The following NRXN3 variants were observed in gnomAD, a reference collection of about 807,000 sequenced individuals.
NRXN3 encodes neurexin III.
Under a neutral mutation model 137.6 loss-of-function variants are expected in NRXN3, and 32 were observed. The ratio of observed to expected loss-of-function variants is 0.23; its 90% CI spans 0.18 to 0.31. The LOEUF is 0.31. Among genes scored for constraint, NRXN3 ranks in the 10% least tolerant of loss-of-function variants. The probability of loss-of-function intolerance (pLI) is 1.00; values close to 1 mark genes in which losing one functional copy is unlikely to be tolerated. For synonymous variants in NRXN3, 798 were observed against 784.5 expected, an observed-to-expected ratio of 1.02 and a Z score of -0.29; for missense variants, 1,574 against 2,062.5, an observed-to-expected ratio of 0.76 and a Z score of 4.59.
chr14:78,687,743 G>C (rs2098136197), intron 6 of NRXN3, among the ~76,000 whole-genome samples: 1 of 152,318 alleles, frequency 6.6e-6, no homozygotes. Flanking sequence ...AAAATTTAAA[G>C]GGTTTCACCC....
intron 19 of NRXN3, among the ~76,000 whole-genome samples, chr14:79,734,598 A>C (rs996460373): frequency 2.0e-5 from 3 of 152,222 alleles, no homozygotes; most frequent in Non-Finnish European, 4.4e-5. Context: ...TAGCAAATAC[A>C]AGAAACAAAA....
At chr14:78,521,169 T>C (rs914700790) in intron 4 of NRXN3, among the ~76,000 whole-genome samples, 5 of 152,216 alleles carry the variant, frequency 3.3e-5, no homozygotes, top group Admixed American at 6.5e-5. Context: ...TCTCTCTCTC[T>C]TCCTCTATCC....
At chr14:78,377,979 G>T (rs1390545801) in intron 4 of NRXN3, among the ~76,000 whole-genome samples, 1 of 152,084 alleles carries the variant, frequency 6.6e-6, no homozygotes, top group Non-Finnish European at 1.5e-5. Context: ...TTTTTTTGCA[G>T]GTGTCCATAG....
chr14:79,307,720 C>G (rs540910340), intron 15 of NRXN3, among the ~76,000 whole-genome samples: 34 of 152,178 alleles, frequency 2.2e-4, no homozygotes, highest in African/African-American at 7.9e-4. Flanking sequence ...TTTTATTTTA[C>G]CATAGATTAG....
chr14:78,324,417 A>C (rs1171505635), intron 4 of NRXN3, among the ~76,000 whole-genome samples: 1 of 152,102 alleles, frequency 6.6e-6, no homozygotes, highest in Non-Finnish European at 1.5e-5. Flanking sequence ...AGCTGTCAGA[A>C]AGTGGGAAGA....
intron 17 of NRXN3, among the ~76,000 whole-genome samples, chr14:79,668,839 C>G (rs1215004091): frequency 1.3e-5 from 2 of 152,048 alleles, no homozygotes; most frequent in African/African-American, 4.8e-5. Context: ...CATATAAGAG[C>G]CGCTGACTTA....
chr14:78,368,420 A>G (rs1227121567), intron 4 of NRXN3, among the ~76,000 whole-genome samples: 1 of 152,214 alleles, frequency 6.6e-6, no homozygotes, highest in African/African-American at 2.4e-5. Context: ...GATGTAAAAA[A>G]TTGGAGATGG....
intron 11 of NRXN3, among the ~76,000 whole-genome samples, chr14:78,960,295 T>A (rs2099405605): frequency 6.6e-6 from 1 of 152,104 alleles, no homozygotes; most frequent in Non-Finnish European, 1.5e-5. Context: ...TGATAAGGGG[T>A]TGGGAAATTT....
At chr14:79,153,094 A>T (rs1284050929) in intron 15 of NRXN3, among the ~76,000 whole-genome samples, 1 of 151,976 alleles carries the variant, frequency 6.6e-6, no homozygotes, top group African/African-American at 2.4e-5. Flanking sequence ...AAGGATGGGC[A>T]AGGAGGTGGA....
intron 15 of NRXN3, among the ~76,000 whole-genome samples, chr14:79,096,318 C>T (rs576876067): frequency 1.4e-4 from 21 of 152,024 alleles, no homozygotes; most frequent in Non-Finnish European, 2.6e-4. Flanking sequence ...CTGTGTTGCC[C>T]AGGCTGGTCT....
chr14:78,833,136 C>T (rs2152411926), intron 10 of NRXN3, among the ~76,000 whole-genome samples: 1 of 152,256 alleles, frequency 6.6e-6, no homozygotes, highest in Non-Finnish European at 1.5e-5. Flanking sequence ...CTCCCAAGTT[C>T]TATTTCTATT....
intron 10 of NRXN3, among the ~76,000 whole-genome samples, chr14:78,856,347 G>A (rs1424305897): frequency 6.6e-6 from 1 of 152,080 alleles, no homozygotes; most frequent in Non-Finnish European, 1.5e-5. Flanking sequence ...TCTAAAGTAA[G>A]TAACCATTTA....
At chr14:78,227,743 G>A (rs112127147) in intron 1 of NRXN3, among the ~76,000 whole-genome samples, 40 of 152,172 alleles carry the variant, frequency 2.6e-4, no homozygotes, top group African/African-American at 5.8e-4. Context: ...TTAAGTGCTC[G>A]TAGTAAATTT....
chr14:79,376,214 GTATATA>G (rs1159913935), intron 15 of NRXN3, among the ~76,000 whole-genome samples: 3,744 of 70,504 alleles, frequency 0.053, 133 homozygotes, highest in Middle Eastern at 0.06. Context: ...GTGTGTGTAT[GTATATA>G]TATATATATA....
At chr14:78,527,545 GA>G (rs1472436217) in intron 4 of NRXN3, among the ~76,000 whole-genome samples, 1 of 152,152 alleles carries the variant, frequency 6.6e-6, no homozygotes, top group Non-Finnish European at 1.5e-5. Context: ...TTTGGGTGGG[GA>G]CACAGATCCA....
intron 20 of NRXN3, among the ~76,000 whole-genome samples, chr14:79,843,732 A>G (rs2099361119): frequency 6.6e-6 from 1 of 152,066 alleles, no homozygotes; most frequent in African/African-American, 2.4e-5. Flanking sequence ...ATAAGAAGCA[A>G]CTCCTTAACC....
At chr14:78,809,877 G>T (rs182437477) in intron 9 of NRXN3, among the ~76,000 whole-genome samples, 1 of 151,952 alleles carries the variant, frequency 6.6e-6, no homozygotes, top group Non-Finnish European at 1.5e-5. Flanking sequence ...CTTTAAAAAC[G>T]AATTTTAAGA....
intron 15 of NRXN3, among the ~76,000 whole-genome samples, chr14:79,152,319 A>G (rs978612185): frequency 1.3e-5 from 2 of 152,068 alleles, no homozygotes; most frequent in Admixed American, 6.6e-5. Flanking sequence ...GAATAGGTGC[A>G]TAGTATTAAT....
intron 15 of NRXN3, among the ~76,000 whole-genome samples, chr14:78,989,456 T>C (rs912714671): frequency 2.6e-5 from 4 of 152,180 alleles, no homozygotes; most frequent in African/African-American, 9.7e-5. Flanking sequence ...GAGAGAAAAT[T>C]ATGTAATACG....
Sources: allele counts gnomAD v4.1 joint callset (sites outside exome capture counted in the v4.1 genomes callset), GRCh38; gene constraint gnomAD v4.1.1; transcripts MANE v1.5; gene names NCBI Gene and HGNC (gene_info 2026-07-23, HGNC 2026-07-21).